FHIT: variants seen among roughly 807,000 people sequenced by gnomAD.
FHIT encodes the protein fragile histidine triad diadenosine triphosphatase.
In FHIT, 19 loss-of-function variants were observed where a neutral mutation model predicts 17.9. That is an observed-to-expected ratio of 1.06 (90% CI 0.74 to 1.56). FHIT has a LOEUF of 1.56. FHIT is among the 40% of genes most tolerant of loss of function. FHIT has a pLI of 0.00. For synonymous variants in FHIT, 81 were observed against 69.7 expected, an observed-to-expected ratio of 1.16 and a Z score of -0.81; for missense variants, 248 against 189.2, an observed-to-expected ratio of 1.31 and a Z score of -1.82.
At chr3:60,826,340 T>C (rs1553741006) in intron 3 of FHIT, among the ~76,000 whole-genome samples, 2 of 148,846 alleles carry the variant, frequency 1.3e-5, no homozygotes, top group Non-Finnish European at 3.0e-5. Flanking sequence ...TTTTGTTTTG[T>C]TTTGAGATGG....
At chr3:61,178,861 T>C (rs1260420745) in intron 2 of FHIT, among the ~76,000 whole-genome samples, 1 of 151,980 alleles carries the variant, frequency 6.6e-6, no homozygotes, top group African/African-American at 2.4e-5. Flanking sequence ...ATGACACCAA[T>C]TTTTTCCCCA....
At chr3:59,827,624 C>T (rs1227085497) in intron 8 of FHIT, among the ~76,000 whole-genome samples, 1 of 152,172 alleles carries the variant, frequency 6.6e-6, no homozygotes, top group Non-Finnish European at 1.5e-5. Flanking sequence ...GAAGAGGAAG[C>T]TGAAGCACAG....
intron 3 of FHIT, among the ~76,000 whole-genome samples, chr3:60,919,440 T>C (rs1403195165): frequency 1.3e-5 from 2 of 151,202 alleles, no homozygotes; most frequent in African/African-American, 4.9e-5. Flanking sequence ...TATTATGATA[T>C]GGGCAAGAAA....
At chr3:61,101,278 T>C (rs1193009695) in intron 2 of FHIT, among the ~76,000 whole-genome samples, 1 of 152,236 alleles carries the variant, frequency 6.6e-6, no homozygotes, top group South Asian at 2.1e-4. Context: ...TTTCTACATA[T>C]GGCTAGCCAG....
intron 5 of FHIT, among the ~76,000 whole-genome samples, chr3:60,154,765 T>G (rs2107343077): frequency 6.6e-6 from 1 of 152,338 alleles, no homozygotes; most frequent in South Asian, 2.1e-4. Context: ...GACAGTTTAC[T>G]TATGCCTATA....
intron 5 of FHIT, among the ~76,000 whole-genome samples, chr3:60,086,023 A>C (rs573606811): frequency 6.6e-6 from 1 of 152,208 alleles, no homozygotes; most frequent in African/African-American, 2.4e-5. Context: ...TGATGGCTGG[A>C]AAGTTCAAGA....
chr3:61,116,625 CTATGGTACAT>C lies in FHIT; in HGVS notation c.-163-74536_-163-74527del. Among the ~76,000 whole-genome samples, 3 of 152,144 alleles carry C rather than the reference CTATGGTACAT, an allele frequency of 2.0e-5. No homozygotes were observed. The South Asian group carries it at 6.2e-4, about 32-fold the overall frequency. Reference sequence around the variant, plus strand: ...CATTCTCTCACACTAGAGGTAGTTACTATGGTACATAGTATGAGAGAGGTATCAATTTAAA... The same window carrying C: ...CATTCTCTCACACTAGAGGTAGTTACAGTATGAGAGAGGTATCAATTTAAA... On this transcript the variant is annotated intron_variant, in intron 2 of 9. Coordinates refer to ENST00000492590, the MANE Select transcript of FHIT (RefSeq NM_002012.4).
At chr3:61,106,449 T>G (rs2035990848) in intron 2 of FHIT, among the ~76,000 whole-genome samples, 2 of 152,116 alleles carry the variant, frequency 1.3e-5, no homozygotes, top group Non-Finnish European at 2.9e-5. Context: ...TACCAGCATC[T>G]CCCTATTCCC....
chr3:60,179,341 G>T (rs1701822435), intron 5 of FHIT, among the ~76,000 whole-genome samples: 1 of 152,162 alleles, frequency 6.6e-6, no homozygotes, highest in Admixed American at 6.5e-5. Flanking sequence ...ATATCACAGT[G>T]GTGTAATCTT....
intron 8 of FHIT, among the ~76,000 whole-genome samples, chr3:59,851,976 T>G (rs1347764018): frequency 6.6e-6 from 1 of 152,220 alleles, no homozygotes; most frequent in Non-Finnish European, 1.5e-5. Context: ...TAAAACACAT[T>G]CCTTGAGTCT....
At chr3:60,573,668 C>T (rs2037464604) in intron 4 of FHIT, among the ~76,000 whole-genome samples, 1 of 152,174 alleles carries the variant, frequency 6.6e-6, no homozygotes, top group African/African-American at 2.4e-5. Context: ...AGAAGCGCAG[C>T]TGCCTCCGTT....
chr3:60,327,360 G>T (rs1167311177), intron 5 of FHIT, among the ~76,000 whole-genome samples: 1 of 152,156 alleles, frequency 6.6e-6, no homozygotes, highest in African/African-American at 2.4e-5. Flanking sequence ...TCAGAGATTA[G>T]CTATTTTAGG....
chr3:61,070,973 A>G (rs2034786094), intron 2 of FHIT, among the ~76,000 whole-genome samples: 1 of 152,234 alleles, frequency 6.6e-6, no homozygotes, highest in Non-Finnish European at 1.5e-5. Flanking sequence ...GAATATTTTA[A>G]CAATGCACGA....
intron 5 of FHIT, among the ~76,000 whole-genome samples, chr3:60,115,676 A>T (rs1704924736): frequency 6.6e-6 from 1 of 152,200 alleles, no homozygotes; most frequent in African/African-American, 2.4e-5. Flanking sequence ...AACTGTAAAA[A>T]ACTAAATGAG....
chr3:61,176,975 A>T (rs1261954138), intron 2 of FHIT, among the ~76,000 whole-genome samples: 1 of 152,182 alleles, frequency 6.6e-6, no homozygotes, highest in Non-Finnish European at 1.5e-5. Flanking sequence ...GGAGATCGAG[A>T]CCATCCTGGC....
At chr3:60,557,921 T>C (rs111943773) in intron 4 of FHIT, among the ~76,000 whole-genome samples, 169 of 152,196 alleles carry the variant, frequency 1.1e-3, no homozygotes, top group Admixed American at 5.0e-3. Flanking sequence ...TAGTAACCCA[T>C]ACATTTGCAC....
intron 3 of FHIT, among the ~76,000 whole-genome samples, chr3:60,992,459 G>C (rs1575808545): frequency 6.6e-6 from 1 of 152,130 alleles, no homozygotes; most frequent in African/African-American, 2.4e-5. Flanking sequence ...TAAACAAATG[G>C]TGACTGCTCT....
chr3:60,801,326 A>C (rs1172090545), intron 4 of FHIT, among the ~76,000 whole-genome samples: 1 of 152,226 alleles, frequency 6.6e-6, no homozygotes, highest in Non-Finnish European at 1.5e-5. Context: ...CCACTTAGGC[A>C]AGAGGCTTCA....
chr3:61,169,253 A>G (rs966965395), intron 2 of FHIT, among the ~76,000 whole-genome samples: 1 of 152,206 alleles, frequency 6.6e-6, no homozygotes, highest in Non-Finnish European at 1.5e-5. Flanking sequence ...TGTGATTTTA[A>G]TTGACTTCCT....
Sources: allele counts gnomAD v4.1 joint callset (sites outside exome capture counted in the v4.1 genomes callset), GRCh38; gene constraint gnomAD v4.1.1; transcripts MANE v1.5; gene names NCBI Gene and HGNC (gene_info 2026-07-23, HGNC 2026-07-21).